The following ADCY3 variants were observed in gnomAD, a reference collection of about 807,000 sequenced individuals.
The protein encoded by ADCY3 is adenylate cyclase 3, also known as adenylate cyclase type 3.
Under a neutral mutation model 119.4 loss-of-function variants are expected in ADCY3, and 70 were observed. That is an observed-to-expected ratio of 0.59 (90% CI 0.48 to 0.72). The LOEUF is 0.72. Ranked by LOEUF, ADCY3 falls within the 30% of genes least tolerant of loss-of-function variation. The pLI, the probability that ADCY3 is intolerant of heterozygous loss-of-function variation, is 0.00. For synonymous variants in ADCY3, 672 were observed against 621.4 expected (o/e 1.08, Z -1.21); for missense variants, 1,238 against 1,541.6 (o/e 0.80, Z 3.30).
chr2:24,820,448 G>A (rs1017047336), intron 21 of ADCY3: 95 of 1,309,260 alleles, frequency 7.3e-5, no homozygotes, highest in Non-Finnish European at 8.9e-5. Context: ...TCTGCCAGAC[G>A]CCACTGAGAC....
At chr2:24,901,657 G>T (rs930051456) in intron 2 of ADCY3, among the ~76,000 whole-genome samples, 1 of 151,924 alleles carries the variant, frequency 6.6e-6, no homozygotes, top group Admixed American at 6.6e-5. Context: ...TGCAAAAGAA[G>T]GCCATAGGAG....
chr2:24,839,779 G>C (rs1670778212), intron 7 of ADCY3, 94 bp downstream of exon 7: 1 of 1,556,626 alleles, frequency 6.4e-7, no homozygotes, highest in Non-Finnish European at 8.8e-7. Flanking sequence ...CTTCTCTGAG[G>C]CCCCCTGTCC....
chr2:24,830,657 C>T lies in ADCY3; in HGVS notation c.2172+52G>A, dbSNP rs1669360338. On this transcript the variant is annotated intron_variant, in intron 13 of 21. Transcript: ENST00000679454. Reference sequence around the variant, plus strand: ...TGCTTGTGTGACCCAAACAGAAGCCCTTCTCCACTGAGAACAGGGGCGTCC... The same window carrying T: ...TGCTTGTGTGACCCAAACAGAAGCCTTTCTCCACTGAGAACAGGGGCGTCC... The T allele has an allele frequency of 2.8e-6, 4 of 1,442,318 alleles. No individual in the cohort carries two copies. In the East Asian group the frequency reaches 9.2e-5, roughly 33 times the overall value. 89.3% of individuals were successfully genotyped at this position (1,442,318 alleles called of 1,614,324 possible). A position where few individuals can be genotyped will look rare whatever the true frequency, so the allele number is the denominator to read the frequency against.
intron 9 of ADCY3, 150 bp downstream of exon 9, chr2:24,836,767 C>T: frequency 8.3e-7 from 1 of 1,202,334 alleles, no homozygotes; most frequent in South Asian, 1.9e-5. Flanking sequence ...GAGGGGTGAC[C>T]TGTCCATGGT....
At chr2:24,892,722 G>T (rs569637364) in intron 2 of ADCY3, among the ~76,000 whole-genome samples, 2 of 152,324 alleles carry the variant, frequency 1.3e-5, no homozygotes, top group East Asian at 3.9e-4. Context: ...GTCTTTTGAT[G>T]AATTGATTCC....
At chr2:24,840,155 G>C (rs1348131025) in intron 6 of ADCY3, 124 bp from the exon 7 acceptor site, 1 of 1,326,876 alleles carries the variant, frequency 7.5e-7, no homozygotes, top group Non-Finnish European at 1.0e-6. Context: ...GCCTGGCAAG[G>C]TCCCCACAGC....
At position 24,834,286 on chromosome 2, in the gene ADCY3, G is replaced by T. The variant is rs909809006; in HGVS notation, c.1967+199C>A. On this transcript the variant is annotated intron_variant, in intron 11 of 21. Transcript: ENST00000679454. The surrounding 1 kb of genome is among the most constrained non-coding windows in gnomAD (Gnocchi z 4.2). ...TCTGACGCTAGGACTGCTCCAAAAC[G>T]CGGGGCAGGGAAAAGGAAGGATGCC... 6.6e-6 allele frequency among the ~76,000 whole-genome samples: 1 copy of T among 152,190 alleles called. No individual in the cohort carries two copies. The highest frequency in any genetic ancestry group is 1.5e-5 in the Non-Finnish European group (1 of 68,024).
chr2:24,905,766 C>T (rs1389846223), intron 2 of ADCY3, among the ~76,000 whole-genome samples: 1 of 152,178 alleles, frequency 6.6e-6, no homozygotes, highest in South Asian at 2.1e-4. Flanking sequence ...TAGTGCTTGC[C>T]GCCTATCCCA....
At chr2:24,862,579 AAAC>A (rs1162729914) in intron 3 of ADCY3, among the ~76,000 whole-genome samples, 3 of 151,942 alleles carry the variant, frequency 2.0e-5, no homozygotes. Flanking sequence ...AAAAAAATAA[AAAC>A]AAATAAAAAT....
chr2:24,875,355 A>C (rs905009393), intron 2 of ADCY3, among the ~76,000 whole-genome samples: 1 of 151,224 alleles, frequency 6.6e-6, no homozygotes, highest in African/African-American at 2.4e-5. Flanking sequence ...AACCTCCCCC[A>C]CCCCACCCCC....
chr2:24,838,859 C>G, intron 7 of ADCY3: 1 of 1,605,608 alleles, frequency 6.2e-7, no homozygotes, highest in Non-Finnish European at 8.5e-7. Flanking sequence ...CCATCTCAGC[C>G]TCAGTGTTGG....
At chr2:24,828,275 G>A (rs1360857443) in intron 13 of ADCY3, 114 bp from the exon 14 acceptor site, 1 of 1,263,264 alleles carries the variant, frequency 7.9e-7, no homozygotes, top group Non-Finnish European at 1.1e-6. Flanking sequence ...GGCTCCCCCA[G>A]AAATACCGGG....
At chr2:24,821,204 A>T in intron 20 of ADCY3, 1 of 436,704 alleles carries the variant, frequency 2.3e-6, no homozygotes, top group Non-Finnish European at 4.1e-6. Flanking sequence ...CTGTCTGGGA[A>T]GCCATGTCCT....
chr2:24,820,669 C>G (rs749262810), intron 21 of ADCY3, 55 bp downstream of exon 21: 2 of 1,607,482 alleles, frequency 1.2e-6, no homozygotes, highest in African/African-American at 2.7e-5. Flanking sequence ...AGCACTGTTC[C>G]GGTTTTGTTC....
intron 2 of ADCY3, among the ~76,000 whole-genome samples, chr2:24,884,906 C>T (rs1008887974): frequency 6.6e-6 from 1 of 152,196 alleles, no homozygotes; most frequent in Non-Finnish European, 1.5e-5. Context: ...GCGGTGCTTT[C>T]CACCTGTTGA....
intron 2 of ADCY3, among the ~76,000 whole-genome samples, chr2:24,880,117 C>A (rs1303961285): frequency 1.3e-5 from 2 of 152,188 alleles, no homozygotes; most frequent in African/African-American, 4.8e-5. Context: ...AACAAAGGGG[C>A]CTCCAGAAGC....
rs867514882 is a variant in ADCY3 at position 24,878,923 on chromosome 2, C to T, written c.676-6204G>A. Among the ~76,000 whole-genome samples the T allele has an allele frequency of 6.6e-6, 1 of 152,218 alleles. No individual in the cohort carries two copies. The highest frequency in any genetic ancestry group is 2.4e-5 in the African/African-American group (1 of 41,450). ...TTGCCCTTCTCTGTCCTCACTCCTTCGCCTCGTCGCCTGGAAAGCAAACTC... is the reference window on the plus strand; with the variant it reads ...TTGCCCTTCTCTGTCCTCACTCCTTTGCCTCGTCGCCTGGAAAGCAAACTC... On this transcript the variant is annotated intron_variant, in intron 2 of 21. Coordinates refer to ENST00000679454, the MANE Select transcript of ADCY3 (RefSeq NM_004036.5). This position sits in a 1 kb window ranked among gnomAD's most constrained non-coding sequence, Gnocchi z 4.0.
At chr2:24,868,274 T>C (rs1284300539) in intron 3 of ADCY3, among the ~76,000 whole-genome samples, 1 of 152,170 alleles carries the variant, frequency 6.6e-6, no homozygotes, top group African/African-American at 2.4e-5. Context: ...ACACTGAAAA[T>C]ATGGCATATT....
chr2:24,879,308 T>TA (rs572101598), intron 2 of ADCY3, among the ~76,000 whole-genome samples: 17 of 149,996 alleles, frequency 1.1e-4, no homozygotes, highest in East Asian at 2.0e-4. Flanking sequence ...CCGTCTCTAC[T>TA]AAAAAAAAAT....
Sources: allele counts gnomAD v4.1 joint callset (sites outside exome capture counted in the v4.1 genomes callset), GRCh38; gene constraint gnomAD v4.1.1; non-coding constraint Gnocchi (gnomAD v3.1); transcripts MANE v1.5; gene names NCBI Gene and HGNC (gene_info 2026-07-23, HGNC 2026-07-21).